The following DLG5 variants were observed in gnomAD, a reference collection of about 807,000 sequenced individuals.
DLG5 encodes disks large homolog 5.
A neutral mutation model predicts 189.8 loss-of-function variants in DLG5; 48 were observed. The ratio of observed to expected loss-of-function variants is 0.25; its 90% CI spans 0.20 to 0.32. The LOEUF is 0.32. DLG5 is among the 10% of genes least tolerant of loss of function. The probability of loss-of-function intolerance (pLI) is 1.00; values close to 1 mark genes in which losing one functional copy is unlikely to be tolerated. For missense variants in DLG5, 2,160 were observed against 2,544.7 expected, an observed-to-expected ratio of 0.85 and a Z score of 3.25; for synonymous variants, 1,016 against 1,054.1, an observed-to-expected ratio of 0.96 and a Z score of 0.70.
chr10:77,811,202 G>C lies in DLG5; in HGVS notation c.4355C>G (p.Thr1452Ser). The C allele has an allele frequency of 6.2e-7, 1 of 1,613,410 alleles. No homozygotes were observed. The highest frequency in any genetic ancestry group is 1.7e-4 in the Middle Eastern group (1 of 5,908). Residue 1452 changes from threonine (T) to serine (S), a missense_variant, in exon 23 of 32, where the codon ACT (threonine) becomes AGT (serine). Thr to Ser is a moderately conservative substitution (Grantham distance 58). Coordinates refer to ENST00000372391, the MANE Select transcript of DLG5 (RefSeq NM_004747.4). Reference sequence around the variant, plus strand: ...GGTGGTGGTGCCACTGCCCTGGAGAGTGGAGTGGGTACCGGCAGGGTCCAG... The same window carrying C: ...GGTGGTGGTGCCACTGCCCTGGAGACTGGAGTGGGTACCGGCAGGGTCCAG... ...SHLDPAGTHS[T>S]LQGSGTTTPE...
intron 1 of DLG5, among the ~76,000 whole-genome samples, chr10:77,872,024 C>T (rs1016433276): frequency 3.0e-4 from 46 of 152,194 alleles, no homozygotes; most frequent in East Asian, 3.9e-4. Context: ...AGTATTTTTT[C>T]TTTATGGGGG....
chr10:77,866,709 C>T (rs1259212270), intron 2 of DLG5, among the ~76,000 whole-genome samples: 1 of 151,916 alleles, frequency 6.6e-6, no homozygotes, highest in Non-Finnish European at 1.5e-5. Flanking sequence ...GCTACAGACA[C>T]CCCGCCATGA....
At chr10:77,816,847 C>G (rs932717255) in intron 19 of DLG5, 146 bp from the exon 20 acceptor site, 1 of 1,361,628 alleles carries the variant, frequency 7.3e-7, no homozygotes, top group East Asian at 2.4e-5. Context: ...CTCTGCATTG[C>G]CCCCTACCCC....
chr10:77,844,677 G>A (rs1013285412), intron 5 of DLG5, among the ~76,000 whole-genome samples: 1 of 152,128 alleles, frequency 6.6e-6, no homozygotes, highest in African/African-American at 2.4e-5. Flanking sequence ...ACACAGATAG[G>A]CCAAATAAAG....
At chr10:77,816,340 C>T (rs1028492734) in intron 20 of DLG5, among the ~76,000 whole-genome samples, 7 of 152,204 alleles carry the variant, frequency 4.6e-5, no homozygotes, top group Admixed American at 6.5e-5. Context: ...TACTGTGAGC[C>T]CTCTTGGCTC....
chr10:77,797,438 C>T (rs1213968774), intron 27 of DLG5, among the ~76,000 whole-genome samples: 1 of 152,188 alleles, frequency 6.6e-6, no homozygotes, highest in African/African-American at 2.4e-5. Context: ...CACACTTTAA[C>T]TAGAGTCACA....
intron 1 of DLG5, among the ~76,000 whole-genome samples, chr10:77,925,183 A>T (rs1171445082): frequency 6.6e-6 from 1 of 152,236 alleles, no homozygotes; most frequent in Non-Finnish European, 1.5e-5. Context: ...CTGGTGCCCA[A>T]TACTTTCTGA....
At chr10:77,844,930 G>A (rs1400307472) in intron 5 of DLG5, among the ~76,000 whole-genome samples, 1 of 152,172 alleles carries the variant, frequency 6.6e-6, no homozygotes, top group African/African-American at 2.4e-5. Context: ...AGACAGAGAG[G>A]GGCAAGGCGG....
chr10:77,849,132 G>A (rs1426563514), intron 5 of DLG5, among the ~76,000 whole-genome samples: 2 of 152,140 alleles, frequency 1.3e-5, no homozygotes, highest in African/African-American at 4.8e-5. Flanking sequence ...TCTCAACCAT[G>A]GCGCCCCCTC....
chr10:77,850,883 G>A (rs1843937041), intron 5 of DLG5, among the ~76,000 whole-genome samples: 1 of 152,332 alleles, frequency 6.6e-6, no homozygotes, highest in Admixed American at 6.5e-5. Context: ...CCCTTGGACC[G>A]AGGTGGAGCC....
rs141040986 is a variant in DLG5 at position 77,896,961 on chromosome 10, T to C, written c.305-27764A>G. Among the ~76,000 whole-genome samples the C allele has an allele frequency of 3.4e-3, 520 of 152,106 alleles. 2 individuals carry two copies. The highest frequency in any genetic ancestry group is 0.018 in the South Asian group (88 of 4,810). The stretch of plus-strand genomic sequence containing the variant: ...AAAATGTCAGAGAAAGAAAGTATCA[T>C]TAAAATGTTTAAAACAGAAAATTCG... On this transcript the variant is annotated intron_variant, in intron 1 of 31. Transcript: ENST00000372391.
chr10:77,897,168 C>T (rs1293743212), intron 1 of DLG5, among the ~76,000 whole-genome samples: 2 of 151,968 alleles, frequency 1.3e-5, no homozygotes, highest in East Asian at 3.9e-4. Flanking sequence ...CCAGTCTGGC[C>T]AACATGGTGA....
intron 27 of DLG5, among the ~76,000 whole-genome samples, chr10:77,803,994 T>C (rs1841348095): frequency 6.6e-6 from 1 of 151,550 alleles, no homozygotes; most frequent in Non-Finnish European, 1.5e-5. Flanking sequence ...AGGCTGAAGC[T>C]ATCTTCCTGC....
At chr10:77,901,796 G>T (rs1845935891) in intron 1 of DLG5, among the ~76,000 whole-genome samples, 1 of 152,156 alleles carries the variant, frequency 6.6e-6, no homozygotes, top group Non-Finnish European at 1.5e-5. Flanking sequence ...GCAGCCCAAG[G>T]TCCCCCTGGG....
At chr10:77,915,666 T>C (rs955414373) in intron 1 of DLG5, among the ~76,000 whole-genome samples, 19 of 152,180 alleles carry the variant, frequency 1.2e-4, no homozygotes, top group African/African-American at 3.6e-4. Context: ...AACACTAACA[T>C]CCCAGCAAAC....
At position 77,796,607 on chromosome 10, in the gene DLG5, G is replaced by C. The variant is rs765896554; in HGVS notation, c.5165-13C>G. The C allele has an allele frequency of 4.3e-6, 7 of 1,613,554 alleles. No homozygotes were observed. The highest frequency in any genetic ancestry group is 1.1e-5 in the South Asian group (1 of 91,074). On this transcript the variant is annotated splice_polypyrimidine_tract_variant and intron_variant, in intron 27 of 31. Transcript: ENST00000372391. The surrounding 1 kb of genome is among the most constrained non-coding windows in gnomAD (Gnocchi z 5.2). Reference sequence around the variant, plus strand: ...AGGCTCACCGAATCTGAGGGAGAGAGAGCAGCAGCGTCACGGACCCAGCTT... The same window carrying C: ...AGGCTCACCGAATCTGAGGGAGAGACAGCAGCAGCGTCACGGACCCAGCTT...
chr10:77,820,332 T>G (rs1486171658), intron 15 of DLG5: 11 of 184,466 alleles, frequency 6.0e-5, no homozygotes, highest in South Asian at 1.5e-4. Context: ...GGTGACAGAG[T>G]GAGACTCCAT....
Position 77,826,246 on chromosome 10 carries a change from A to C in DLG5, c.2290-1770T>G, listed in dbSNP as rs527936499. On this transcript the variant is annotated intron_variant, in intron 13 of 31. Coordinates refer to ENST00000372391, the MANE Select transcript of DLG5 (RefSeq NM_004747.4). ...GATGTAAGTAAGGGCAGAGATGCCC[A>C]GACTATCCCTCGGGAGGGACTGGTC... Among the ~76,000 whole-genome samples the C allele has an allele frequency of 1.9e-4, 29 of 152,364 alleles. 1 individual carries two copies. The South Asian group carries it at 5.8e-3, about 30-fold the overall frequency.
intron 9 of DLG5, among the ~76,000 whole-genome samples, chr10:77,832,994 G>A (rs1380867195): frequency 2.0e-5 from 3 of 152,008 alleles, no homozygotes; most frequent in African/African-American, 7.2e-5. Flanking sequence ...ACTCCCTTCT[G>A]ACGGGCAGCA....
Sources: gnomAD v4.1 joint callset for allele counts (sites outside exome capture counted in the v4.1 genomes callset) on GRCh38, gnomAD v4.1.1 for gene constraint, Gnocchi (gnomAD v3.1) non-coding constraint, MANE v1.5 for transcripts, NCBI Gene and HGNC (gene_info 2026-07-23, HGNC 2026-07-21) for gene names.